The following LRRC4C variants were observed in gnomAD, a reference collection of about 807,000 sequenced individuals.
LRRC4C encodes the protein leucine rich repeat containing 4C, also known as leucine-rich repeat-containing protein 4C.
LRRC4C carries 5 observed loss-of-function variants against 33.6 expected under a neutral mutation model. The ratio of observed to expected loss-of-function variants is 0.15; its 90% CI spans 0.08 to 0.31. The LOEUF (loss-of-function observed/expected upper bound fraction) is 0.31, where lower values mean the gene tolerates loss of function less well. LRRC4C is among the 10% of genes least tolerant of loss of function. The pLI, the probability that LRRC4C is intolerant of heterozygous loss-of-function variation, is 1.00. For synonymous variants in LRRC4C, 329 were observed against 302.0 expected (o/e 1.09, Z -0.93); for missense variants, 560 against 796.7 (o/e 0.70, Z 3.58).
At chr11:41,432,366 G>A (rs535396334) in intron 1 of LRRC4C, among the ~76,000 whole-genome samples, 29 of 152,284 alleles carry the variant, frequency 1.9e-4, no homozygotes, top group Non-Finnish European at 2.4e-4. Flanking sequence ...ACTTGAGTGT[G>A]AAGCAGTTAG....
At position 40,208,756 on chromosome 11, in the gene LRRC4C, T is replaced by C. The variant is rs1049823017; in HGVS notation, c.-96+32763A>G. Among the ~76,000 whole-genome samples, 4 of 152,202 alleles carry C rather than the reference T, an allele frequency of 2.6e-5. No individual in the cohort carries two copies. The East Asian group carries it at 5.8e-4, about 22-fold the overall frequency. On this transcript the variant is annotated intron_variant, in intron 5 of 6. Coordinates refer to ENST00000528697, the MANE Select transcript of LRRC4C (RefSeq NM_001258419.2). ...TTAGCCTCTTAAAATCAGAAATCTT[T>C]TGAGATCTAAAACTCCTTTAGTTCC...
At chr11:41,370,545 A>G (rs1425186427) in intron 1 of LRRC4C, among the ~76,000 whole-genome samples, 4 of 151,312 alleles carry the variant, frequency 2.6e-5, no homozygotes, top group East Asian at 1.9e-4. Flanking sequence ...TTTCTTCCTC[A>G]TTTTCTCTTG....
At chr11:40,725,872 T>C (rs1591558907) in intron 2 of LRRC4C, among the ~76,000 whole-genome samples, 1 of 152,128 alleles carries the variant, frequency 6.6e-6, no homozygotes, top group Non-Finnish European at 1.5e-5. Flanking sequence ...ACATCTTGCC[T>C]GAGAAAAACT....
At chr11:40,155,005 C>G (rs10837354) in intron 5 of LRRC4C, among the ~76,000 whole-genome samples, 57,102 of 151,920 alleles carry the variant, frequency 0.38, 11,288 homozygotes, top group South Asian at 0.49. Context: ...ATCAAGCACT[C>G]TCTCAGACCA....
chr11:41,211,658 G>C (rs138128922), intron 1 of LRRC4C, among the ~76,000 whole-genome samples: 209 of 152,284 alleles, frequency 1.4e-3, no homozygotes, highest in African/African-American at 4.8e-3. Context: ...AGGACATGAA[G>C]TCATCATTTT....
chr11:40,168,662 C>G (rs1590600245), intron 5 of LRRC4C, among the ~76,000 whole-genome samples: 2 of 152,170 alleles, frequency 1.3e-5, no homozygotes, highest in Non-Finnish European at 2.9e-5. Flanking sequence ...TTAATGATCA[C>G]AGTCCTGCTT....
intron 1 of LRRC4C, among the ~76,000 whole-genome samples, chr11:41,458,507 A>G (rs923362800): frequency 3.6e-5 from 5 of 138,998 alleles, no homozygotes; most frequent in Non-Finnish European, 6.1e-5. Flanking sequence ...AAACAGGTAA[A>G]ATATTGTCTG....
intron 1 of LRRC4C, among the ~76,000 whole-genome samples, chr11:41,136,682 C>T (rs755977499): frequency 5.3e-5 from 8 of 152,110 alleles, no homozygotes; most frequent in Non-Finnish European, 1.2e-4. Context: ...CCTCTTTCCA[C>T]GTCTATGCAC....
At chr11:41,334,812 C>A (rs183570205) in intron 1 of LRRC4C, among the ~76,000 whole-genome samples, 1 of 152,188 alleles carries the variant, frequency 6.6e-6, no homozygotes, top group African/African-American at 2.4e-5. Context: ...GCACTCATTC[C>A]ACTGCACTGC....
intron 2 of LRRC4C, among the ~76,000 whole-genome samples, chr11:40,928,854 C>T (rs1342786167): frequency 6.6e-6 from 1 of 152,020 alleles, no homozygotes; most frequent in Non-Finnish European, 1.5e-5. Context: ...ACCATTTTTT[C>T]TTAATTTCCC....
intron 5 of LRRC4C, among the ~76,000 whole-genome samples, chr11:40,141,089 C>T (rs935966933): frequency 6.6e-6 from 1 of 152,018 alleles, no homozygotes; most frequent in Non-Finnish European, 1.5e-5. Flanking sequence ...TTTGGACTTA[C>T]AAGAAATGTA....
chr11:41,202,637 T>C (rs1251213062), intron 1 of LRRC4C, among the ~76,000 whole-genome samples: 1 of 152,084 alleles, frequency 6.6e-6, no homozygotes, highest in African/African-American at 2.4e-5. Context: ...GAGCCGACAT[T>C]GCCGTGTTTT....
intron 2 of LRRC4C, among the ~76,000 whole-genome samples, chr11:40,762,364 AC>A (rs1949257869): frequency 1.3e-5 from 2 of 152,084 alleles, no homozygotes; most frequent in African/African-American, 4.8e-5. Flanking sequence ...GATAGAATAA[AC>A]CCTTCAACCA....
intron 3 of LRRC4C, among the ~76,000 whole-genome samples, chr11:40,526,926 G>A (rs1350224222): frequency 6.6e-6 from 1 of 152,146 alleles, no homozygotes; most frequent in African/African-American, 2.4e-5. Context: ...GAACAGAAGA[G>A]TGAATACAGG....
chr11:40,242,817 T>G (rs1003100560), intron 4 of LRRC4C, among the ~76,000 whole-genome samples: 1 of 152,042 alleles, frequency 6.6e-6, no homozygotes, highest in African/African-American at 2.4e-5. Flanking sequence ...AGTAGCATCA[T>G]TATTATTGTC....
At chr11:41,029,598 A>T (rs1031599030) in intron 1 of LRRC4C, among the ~76,000 whole-genome samples, 4 of 151,906 alleles carry the variant, frequency 2.6e-5, no homozygotes, top group African/African-American at 9.6e-5. Context: ...TTGTAATTAC[A>T]TTAGCTTTGG....
chr11:40,286,740 T>C (rs1293853986), intron 4 of LRRC4C, among the ~76,000 whole-genome samples: 2 of 152,122 alleles, frequency 1.3e-5, no homozygotes, highest in Non-Finnish European at 2.9e-5. Flanking sequence ...AAAAATAAAG[T>C]CAATTTTACA....
intron 2 of LRRC4C, among the ~76,000 whole-genome samples, chr11:40,702,784 G>C (rs1260044772): frequency 6.6e-6 from 1 of 151,568 alleles, no homozygotes; most frequent in Non-Finnish European, 1.5e-5. Context: ...ATCTGTAACT[G>C]CCTACTGAGC....
chr11:40,860,249 G>T (rs1408215479), intron 2 of LRRC4C, among the ~76,000 whole-genome samples: 5 of 152,060 alleles, frequency 3.3e-5, no homozygotes, highest in Non-Finnish European at 5.9e-5. Context: ...CAGCAGATTG[G>T]TGTTTACCAG....
Sources: allele counts gnomAD v4.1 joint callset (sites outside exome capture counted in the v4.1 genomes callset), GRCh38; gene constraint gnomAD v4.1.1; transcripts MANE v1.5; gene names NCBI Gene and HGNC (gene_info 2026-07-23, HGNC 2026-07-21).